DNER: variants seen among roughly 807,000 people sequenced by gnomAD.
DNER encodes delta/notch like EGF repeat containing.
A neutral mutation model predicts 78.2 loss-of-function variants in DNER; 33 were observed. That is an observed-to-expected ratio of 0.42 (90% CI 0.32 to 0.56). DNER has a LOEUF of 0.56. Ranked by LOEUF, DNER falls within the 20% of genes least tolerant of loss-of-function variation. The probability of loss-of-function intolerance (pLI) is 0.11; values close to 1 mark genes in which losing one functional copy is unlikely to be tolerated. For synonymous variants in DNER, 417 were observed against 384.8 expected, an observed-to-expected ratio of 1.08 and a Z score of -0.98; for missense variants, 918 against 975.3, an observed-to-expected ratio of 0.94 and a Z score of 0.78.
intron 1 of DNER, among the ~76,000 whole-genome samples, chr2:229,634,349 G>T (rs1458110167): frequency 6.6e-6 from 1 of 152,086 alleles, no homozygotes; most frequent in Non-Finnish European, 1.5e-5. Context: ...GAAATTGAGA[G>T]GCAGTGGGTG....
intron 7 of DNER, among the ~76,000 whole-genome samples, chr2:229,473,862 G>C (rs1406264479): frequency 6.6e-6 from 1 of 152,148 alleles, no homozygotes; most frequent in Non-Finnish European, 1.5e-5. Flanking sequence ...CTTGCTCTCA[G>C]CATGTCTGAT....
chr2:229,447,257 T>G (rs1694359160), intron 8 of DNER, 59 bp downstream of exon 8: 1 of 1,483,834 alleles, frequency 6.7e-7, no homozygotes, highest in South Asian at 1.3e-5. Flanking sequence ...AGTAATGGTC[T>G]TTTGAGATTG....
At position 229,426,121 on chromosome 2, in the gene DNER, C is replaced by T. The variant is rs78621481; in HGVS notation, c.1487-7891G>A. ...AAGTCTAGGCCAGTTCCTGGGAGAT[C>T]AAATATTCCACCTCACCCATAGTAG... On this transcript the variant is annotated intron_variant, in intron 8 of 12. Transcript: ENST00000341772. Among the ~76,000 whole-genome samples the T allele has an allele frequency of 9.7e-3, 1,480 of 152,104 alleles. 12 individuals carry two copies. The highest frequency in any genetic ancestry group is 0.034 in the Middle Eastern group (10 of 294).
intron 10 of DNER, among the ~76,000 whole-genome samples, chr2:229,395,814 C>G (rs985017749): frequency 2.0e-5 from 3 of 152,176 alleles, no homozygotes; most frequent in Admixed American, 1.3e-4. Flanking sequence ...AGGAGAATCA[C>G]TTGAACCGGA....
intron 8 of DNER, among the ~76,000 whole-genome samples, chr2:229,436,139 C>G (rs1031095573): frequency 1.3e-5 from 2 of 152,076 alleles, no homozygotes; most frequent in Admixed American, 1.3e-4. Flanking sequence ...TCTATTGTTC[C>G]CTTCTTTGTG....
chr2:229,408,687 A>C (rs12694811), intron 9 of DNER, among the ~76,000 whole-genome samples: 46,424 of 151,956 alleles, frequency 0.31, 7,257 homozygotes, highest in South Asian at 0.38. Context: ...TCCCTTATTT[A>C]TTTCTCAATG....
intron 7 of DNER, among the ~76,000 whole-genome samples, chr2:229,458,795 TAAAAAAC>T (rs1559357196): frequency 6.6e-6 from 1 of 151,348 alleles, no homozygotes; most frequent in Non-Finnish European, 1.5e-5. Flanking sequence ...GTAAAAGAAA[TAAAAAAC>T]ATAAAGTGTA....
chr2:229,594,310 C>T (rs1332557822), intron 1 of DNER, among the ~76,000 whole-genome samples: 3 of 152,144 alleles, frequency 2.0e-5, no homozygotes, highest in Non-Finnish European at 2.9e-5. Flanking sequence ...AGCAGAGGGC[C>T]GGGCGCGGTG....
At chr2:229,370,321 C>T (rs551211343) in intron 11 of DNER, among the ~76,000 whole-genome samples, 1 of 152,190 alleles carries the variant, frequency 6.6e-6, no homozygotes, top group Non-Finnish European at 1.5e-5. Flanking sequence ...TCTGAGTTTG[C>T]ATCCAGACCC....
At chr2:229,683,496 AT>A (rs2154217181) in intron 1 of DNER, among the ~76,000 whole-genome samples, 1 of 152,358 alleles carries the variant, frequency 6.6e-6, no homozygotes, top group Non-Finnish European at 1.5e-5. Context: ...TGGTTTTAAA[AT>A]TTGTTTAGAA....
chr2:229,419,009 A>G (rs1408596213), intron 8 of DNER, among the ~76,000 whole-genome samples: 2 of 152,202 alleles, frequency 1.3e-5, no homozygotes, highest in African/African-American at 4.8e-5. Flanking sequence ...AAAGAAAATT[A>G]GCTCAAAATG....
chr2:229,525,080 TG>T (rs1696183653), intron 5 of DNER, among the ~76,000 whole-genome samples: 1 of 152,186 alleles, frequency 6.6e-6, no homozygotes, highest in Non-Finnish European at 1.5e-5. Context: ...CTCATTCCCA[TG>T]GGGCTCTTTC....
intron 11 of DNER, among the ~76,000 whole-genome samples, chr2:229,381,584 T>A (rs1692737335): frequency 6.6e-6 from 1 of 151,996 alleles, no homozygotes; most frequent in Non-Finnish European, 1.5e-5. Context: ...CACTGAAGCT[T>A]GGTGGGGGGA....
intron 1 of DNER, among the ~76,000 whole-genome samples, chr2:229,713,586 C>T (rs1261240704): frequency 6.6e-6 from 1 of 152,248 alleles, no homozygotes; most frequent in Non-Finnish European, 1.5e-5. Context: ...GGGGAGGCAG[C>T]TGCCCTCCTC....
At chr2:229,695,566 T>G (rs1017981779) in intron 1 of DNER, among the ~76,000 whole-genome samples, 2 of 152,222 alleles carry the variant, frequency 1.3e-5, no homozygotes, top group Non-Finnish European at 2.9e-5. Flanking sequence ...ACCTTCATTT[T>G]CTTCTGCAGA....
intron 6 of DNER, among the ~76,000 whole-genome samples, chr2:229,487,464 A>AGAATT (rs1396831694): frequency 2.0e-5 from 3 of 152,244 alleles, no homozygotes; most frequent in African/African-American, 7.2e-5. Flanking sequence ...TTCAATACTT[A>AGAATT]GAATTCAATA....
At chr2:229,491,799 G>A (rs1335680576) in intron 6 of DNER, among the ~76,000 whole-genome samples, 2 of 151,936 alleles carry the variant, frequency 1.3e-5, no homozygotes. Context: ...GTCTTTGATG[G>A]TAAAATCCCA....
intron 1 of DNER, among the ~76,000 whole-genome samples, chr2:229,632,212 A>G (rs1698443534): frequency 6.6e-6 from 1 of 152,238 alleles, no homozygotes; most frequent in Admixed American, 6.5e-5. Context: ...TAAAGAAAGC[A>G]TTCCAATATC....
chr2:229,376,686 T>C (rs990871732), intron 11 of DNER, among the ~76,000 whole-genome samples: 4 of 152,162 alleles, frequency 2.6e-5, no homozygotes, highest in African/African-American at 4.8e-5. Flanking sequence ...AAAAGCAATA[T>C]GTTGAAGAGT....
Sources: gnomAD v4.1 joint callset for allele counts (sites outside exome capture counted in the v4.1 genomes callset) on GRCh38, gnomAD v4.1.1 for gene constraint, MANE v1.5 for transcripts, NCBI Gene and HGNC (gene_info 2026-07-23, HGNC 2026-07-21) for gene names.